HAO2: variants seen among roughly 807,000 people sequenced by gnomAD.
HAO2 encodes the protein 2-Hydroxyacid oxidase 2.
A neutral mutation model predicts 37.4 loss-of-function variants in HAO2; 42 were observed. The ratio of observed to expected loss-of-function variants is 1.12; its 90% CI spans 0.88 to 1.45. The LOEUF (loss-of-function observed/expected upper bound fraction) is 1.45. Ranked by LOEUF, HAO2 falls within the 40% of genes most tolerant of loss-of-function variation. The pLI, the probability that HAO2 is intolerant of heterozygous loss-of-function variation, is 0.00. For missense variants in HAO2, 476 were observed against 430.2 expected, an observed-to-expected ratio of 1.11 and a Z score of -0.94; for synonymous variants, 180 against 162.8, an observed-to-expected ratio of 1.11 and a Z score of -0.81.
Position 119,385,605 on chromosome 1 carries a change from G to A in HAO2, c.561+552G>A, listed in dbSNP as rs1292659821. 3 of 984,960 alleles carry A rather than the reference G, an allele frequency of 3.0e-6. No homozygotes were observed. In the African/African-American group the frequency reaches 5.2e-5, roughly 17 times the overall value. 61.0% of individuals were successfully genotyped at this position (984,960 alleles called of 1,614,324 possible). A position where few individuals can be genotyped will look rare whatever the true frequency, so the allele number is the denominator to read the frequency against. On this transcript the variant is annotated intron_variant, in intron 4 of 7. Coordinates refer to ENST00000325945, the MANE Select transcript of HAO2 (RefSeq NM_016527.4). ...CCAGGATGCTATAGCACATTTGTTTGTAATCTCTGAACTAGGTGACTACAA... is the reference window on the plus strand; with the variant it reads ...CCAGGATGCTATAGCACATTTGTTTATAATCTCTGAACTAGGTGACTACAA...
chr1:119,382,320 A>G (rs1026761861), intron 2 of HAO2, among the ~76,000 whole-genome samples: 1 of 152,236 alleles, frequency 6.6e-6, no homozygotes, highest in Non-Finnish European at 1.5e-5. Context: ...ACCTGAGGCT[A>G]AGTATGCATT....
chr1:119,378,994 C>T (rs1453493860), intron 1 of HAO2, among the ~76,000 whole-genome samples: 2 of 152,050 alleles, frequency 1.3e-5, no homozygotes, highest in African/African-American at 4.8e-5. Context: ...AACAAATAGT[C>T]GAGGCTATGC....
chr1:119,385,237 A>G (rs1650287037), intron 4 of HAO2, 184 bp downstream of exon 4: 4 of 984,732 alleles, frequency 4.1e-6, no homozygotes, highest in South Asian at 4.7e-5. Context: ...TTTCCAGACA[A>G]GCACAATCAA....
intron 1 of HAO2, among the ~76,000 whole-genome samples, chr1:119,375,504 A>G (rs1347323269): frequency 6.6e-6 from 1 of 152,200 alleles, no homozygotes; most frequent in Non-Finnish European, 1.5e-5. Context: ...ATTTATGAGA[A>G]CCAACTATTG....
intron 3 of HAO2, 21 bp downstream of exon 3, chr1:119,383,087 G>A (rs1436934558): frequency 5.6e-6 from 9 of 1,592,934 alleles, no homozygotes; most frequent in African/African-American, 2.7e-5. Context: ...TCCCCACCTC[G>A]AGGCTCCTTT....
At position 119,378,789 on chromosome 1, in the gene HAO2, G is replaced by A. The variant is rs12071883; in HGVS notation, c.-8-2289G>A. Among the ~76,000 whole-genome samples the A allele has an allele frequency of 5.0e-3, 769 of 152,300 alleles. 3 individuals are homozygous for A. The highest frequency in any genetic ancestry group is 0.017 in the African/African-American group (704 of 41,562). ...TATGAGTGTGTAATGTATAGGATAT[G>A]TGTATTTATTGAGATATCAGGAGTT... On this transcript the variant is annotated intron_variant, in intron 1 of 7. Coordinates refer to ENST00000325945, the MANE Select transcript of HAO2 (RefSeq NM_016527.4).
chr1:119,393,862 A>T lies in HAO2; in HGVS notation c.*22A>T. 1 of 1,612,232 alleles carries T rather than the reference A, an allele frequency of 6.2e-7. No individual in the cohort carries two copies. Among genetic ancestry groups the T allele is most frequent in the Non-Finnish European group, 8.5e-7 (1 of 1,178,610 alleles). ...GTAAGAAAAAAGGGCCAATAACCAG[A>T]CTGCTGAGGTTGCCCACAGGAGGAT... On this transcript the variant is annotated 3_prime_UTR_variant, in exon 8 of 8. Transcript: ENST00000325945.
chr1:119,377,136 A>C lies in HAO2; in HGVS notation c.-8-3942A>C, dbSNP rs149026026. On this transcript the variant is annotated intron_variant, in intron 1 of 7. Coordinates refer to ENST00000325945, the MANE Select transcript of HAO2 (RefSeq NM_016527.4). ...AATAAGTTTCAATTTTAAACCATAT[A>C]TTTTTGAATACATAAAACTGAATGC... Among the ~76,000 whole-genome samples, 801 of 152,286 alleles carry C rather than the reference A, an allele frequency of 5.3e-3. 8 individuals are homozygous for C. Among genetic ancestry groups the C allele is most frequent in the African/African-American group, 0.018 (729 of 41,562 alleles).
Position 119,378,223 on chromosome 1 carries a change from C to T in HAO2, c.-8-2855C>T, listed in dbSNP as rs1649636074. ...ACCAACTGCACTCCAGCCTGGGCGA[C>T]AGAGTGAGACTCCATCTCAAAATAA... On this transcript the variant is annotated intron_variant, in intron 1 of 7. Transcript: ENST00000325945. 2.6e-5 allele frequency among the ~76,000 whole-genome samples: 4 copies of T among 152,112 alleles called. 1 individual carries two copies. Among genetic ancestry groups the T allele is most frequent in the South Asian group, 4.1e-4 (2 of 4,828 alleles).
chr1:119,382,813 G>T, intron 2 of HAO2, 102 bp from the exon 3 acceptor site: 4 of 1,086,288 alleles, frequency 3.7e-6, no homozygotes, highest in Non-Finnish European at 5.4e-6. Context: ...GACCCTGTCT[G>T]GTTTAGACTT....
intron 5 of HAO2, among the ~76,000 whole-genome samples, chr1:119,388,027 T>C (rs983659840): frequency 6.6e-6 from 1 of 152,198 alleles, no homozygotes; most frequent in African/African-American, 2.4e-5. Flanking sequence ...CCCTTCACTG[T>C]GTCTCTCTGG....
intron 5 of HAO2, among the ~76,000 whole-genome samples, chr1:119,388,257 A>G (rs1426081799): frequency 1.3e-5 from 2 of 152,206 alleles, no homozygotes; most frequent in Non-Finnish European, 2.9e-5. Flanking sequence ...GCAGAAGGCA[A>G]TGAAGAGCCC....
Position 119,392,644 on chromosome 1 carries a change from G to C in HAO2, c.957G>C (p.Leu319Phe). Residue 319 changes from leucine (L) to phenylalanine (F), a missense_variant, in exon 7 of 8, where the codon TTG becomes TTC. Transcript: ENST00000325945. ...CKGEHGVKEV[L>F]NILTNEFHTS... The stretch of plus-strand genomic sequence containing the variant: ...GTGAACATGGTGTTAAGGAAGTTTT[G>C]AACATTTTAACAAATGAGTTCCACA... The C allele has an allele frequency of 3.1e-6, 5 of 1,610,768 alleles. No homozygotes were observed. The highest frequency in any genetic ancestry group is 4.2e-6 in the Non-Finnish European group (5 of 1,177,076).
intron 1 of HAO2, among the ~76,000 whole-genome samples, chr1:119,372,007 G>T (rs1277132140): frequency 2.0e-5 from 3 of 152,128 alleles, no homozygotes; most frequent in Non-Finnish European, 4.4e-5. Flanking sequence ...ATATGGCTGG[G>T]TTCCAAAACT....
intron 1 of HAO2, among the ~76,000 whole-genome samples, chr1:119,369,828 T>C (rs1025866872): frequency 1.3e-5 from 2 of 152,136 alleles, no homozygotes; most frequent in African/African-American, 4.8e-5. Flanking sequence ...GCTATGAAAG[T>C]CTGTCTTCTT....
chr1:119,378,267 C>G (rs1030223646), intron 1 of HAO2, among the ~76,000 whole-genome samples: 2 of 152,014 alleles, frequency 1.3e-5, no homozygotes, highest in African/African-American at 4.8e-5. Context: ...ATAAACCCAT[C>G]AGATCTCATG....
At chr1:119,389,150 A>ACACG (rs1557855773) in intron 5 of HAO2, among the ~76,000 whole-genome samples, 1 of 72,218 alleles carries the variant, frequency 1.4e-5, no homozygotes, top group African/African-American at 4.9e-5. Context: ...ATATATATAT[A>ACACG]TATATATATA....
intron 7 of HAO2, among the ~76,000 whole-genome samples, chr1:119,393,232 G>A (rs917568573): frequency 6.6e-6 from 1 of 152,006 alleles, no homozygotes; most frequent in Admixed American, 6.6e-5. Flanking sequence ...ATAACATCAT[G>A]CCAGCTTCTC....
At position 119,383,067 on chromosome 1, in the gene HAO2, G is replaced by T; in HGVS notation, c.283+1G>T. ...GATGGGGAAATGAGCACAGCAAGAG[G>T]TATGAACCATCCCCACCTCGAGGCT... On this transcript the variant is annotated splice_donor_variant, in intron 3 of 7. Coordinates refer to ENST00000325945, the MANE Select transcript of HAO2 (RefSeq NM_016527.4). LOFTEE classifies it high-confidence loss of function. The T allele has an allele frequency of 6.2e-7, 1 of 1,610,000 alleles. No individual in the cohort carries two copies. The highest frequency in any genetic ancestry group is 8.5e-7 in the Non-Finnish European group (1 of 1,177,754).
Sources: gnomAD v4.1 joint callset for allele counts (sites outside exome capture counted in the v4.1 genomes callset) on GRCh38, gnomAD v4.1.1 for gene constraint, MANE v1.5 for transcripts, NCBI Gene and HGNC (gene_info 2026-07-23, HGNC 2026-07-21) for gene names.